The following DSG1 variants were observed in gnomAD, a reference collection of about 807,000 sequenced individuals.
The protein encoded by DSG1 is desmoglein 1.
DSG1 carries 39 observed loss-of-function variants against 97.5 expected under a neutral mutation model. The observed-to-expected ratio is 0.40, with a 90% CI of 0.31 to 0.52. The LOEUF (loss-of-function observed/expected upper bound fraction) is 0.52, where lower values mean the gene tolerates loss of function less well. Ranked by LOEUF, DSG1 falls within the 20% of genes least tolerant of loss-of-function variation. DSG1 has a pLI of 0.53. For synonymous variants in DSG1, 475 were observed against 443.4 expected (o/e 1.07, Z -0.90); for missense variants, 1,311 against 1,295.4 (o/e 1.01, Z -0.18).
intron 8 of DSG1, among the ~76,000 whole-genome samples, chr18:31,334,880 G>A (rs1233497163): frequency 4.6e-5 from 7 of 152,054 alleles, no homozygotes; most frequent in Non-Finnish European, 1.0e-4. Context: ...GCCTCCTAGG[G>A]AGCTGATAGT....
chr18:31,326,230 AT>A (rs1046864338), intron 1 of DSG1, among the ~76,000 whole-genome samples: 34 of 152,042 alleles, frequency 2.2e-4, no homozygotes, highest in Admixed American at 2.0e-3. Flanking sequence ...TACTGTTAGT[AT>A]TTTTAAATGT....
chr18:31,345,901 T>TA (rs2071829269), intron 13 of DSG1, 89 bp from the exon 14 acceptor site: 16 of 1,005,008 alleles, frequency 1.6e-5, no homozygotes, highest in Non-Finnish European at 2.4e-5. Context: ...CATACCTAAA[T>TA]GAAAAAATCA....
chr18:31,350,903 C>T (rs1217803249), intron 14 of DSG1, among the ~76,000 whole-genome samples: 1 of 150,530 alleles, frequency 6.6e-6, no homozygotes, highest in African/African-American at 2.5e-5. Flanking sequence ...ATTTTGTTGA[C>T]CCTTTCAAAA....
At chr18:31,344,115 T>C in intron 13 of DSG1, 120 bp downstream of exon 13, 3 of 743,090 alleles carry the variant, frequency 4.0e-6, no homozygotes, top group Non-Finnish European at 6.8e-6. Context: ...TCATTCTTTT[T>C]TAAATGACTA....
intron 1 of DSG1, among the ~76,000 whole-genome samples, chr18:31,321,973 G>A (rs2071656627): frequency 2.0e-5 from 3 of 152,182 alleles, no homozygotes; most frequent in South Asian, 4.1e-4. Context: ...CTTGCCCAGT[G>A]CTGGGTCATG....
intron 4 of DSG1, among the ~76,000 whole-genome samples, chr18:31,328,825 T>C (rs944138158): frequency 6.6e-6 from 1 of 152,104 alleles, no homozygotes; most frequent in African/African-American, 2.4e-5. Flanking sequence ...CAAATATACT[T>C]TACTATAAAT....
intron 3 of DSG1, 124 bp from the exon 4 acceptor site, chr18:31,328,065 C>T (rs2071697320): frequency 1.1e-6 from 1 of 922,936 alleles, no homozygotes; most frequent in Admixed American, 2.5e-5. Flanking sequence ...AAAATAATCT[C>T]CATTGACAAC....
At chr18:31,326,795 C>A (rs1169110963) in intron 2 of DSG1, 79 bp from the exon 3 acceptor site, 1 of 1,524,220 alleles carries the variant, frequency 6.6e-7, no homozygotes, top group South Asian at 1.1e-5. Flanking sequence ...GAGATTATAA[C>A]CTCTTCCAAA....
Position 31,354,923 on chromosome 18 carries a change from G to C in DSG1, c.2727G>C (p.Leu909=). The C allele has an allele frequency of 6.2e-7, 1 of 1,614,182 alleles. No individual in the cohort carries two copies. The highest frequency in any genetic ancestry group is 8.5e-7 in the Non-Finnish European group (1 of 1,180,032). Residue 909 remains leucine (L), a synonymous_variant, in exon 15 of 15, where the codon CTG becomes CTC. Transcript: ENST00000257192. ...IAPSSSLPTS[L]TIHHPRESSN... is the part of the protein sequence containing the mutation. ...CAAGCTCTAGTCTACCCACCTCTCT[G>C]ACTATCCATCATCCTAGAGAGTCTT...
At chr18:31,339,288 A>T (rs1196098096) in intron 10 of DSG1, among the ~76,000 whole-genome samples, 1 of 151,772 alleles carries the variant, frequency 6.6e-6, no homozygotes, top group Non-Finnish European at 1.5e-5. Flanking sequence ...AGTTTAAAGT[A>T]AAAAAAATGG....
At chr18:31,328,054 G>T in intron 3 of DSG1, 135 bp from the exon 4 acceptor site, 1 of 851,452 alleles carries the variant, frequency 1.2e-6, no homozygotes, top group Non-Finnish European at 1.8e-6. Context: ...TCTTATCTAG[G>T]AAAATAATCT....
intron 13 of DSG1, 87 bp from the exon 14 acceptor site, chr18:31,345,903 A>G: frequency 9.6e-7 from 1 of 1,038,202 alleles, no homozygotes; most frequent in Admixed American, 2.0e-5. Context: ...TACCTAAATG[A>G]AAAAATCACA....
chr18:31,345,754 A>T (rs958334262), intron 13 of DSG1, among the ~76,000 whole-genome samples: 1 of 152,120 alleles, frequency 6.6e-6, no homozygotes, highest in Non-Finnish European at 1.5e-5. Context: ...TGCAGCCTTC[A>T]CTTCCAGCAG....
chr18:31,329,756 G>T lies in DSG1; in HGVS notation c.373-136G>T. The T allele has an allele frequency of 9.1e-6, 10 of 1,096,262 alleles. No individual in the cohort carries two copies. In the South Asian group the frequency reaches 1.2e-4, roughly 13 times the overall value. The allele number at this position is 1,096,262 out of a possible 1,614,324, so 67.9% of individuals were successfully genotyped here. On this transcript the variant is annotated intron_variant, in intron 4 of 14. Transcript: ENST00000257192. ...CCACATTTGCTTTCCCTTAGTGACT[G>T]TAAGTAGGGCTTGTGCCTATGTTCT...
At chr18:31,343,652 A>G in intron 12 of DSG1, 69 bp downstream of exon 12, 2 of 1,604,608 alleles carry the variant, frequency 1.2e-6, no homozygotes, top group Non-Finnish European at 1.7e-6. Context: ...ATGAACCAAG[A>G]TGGCCGCCAT....
chr18:31,352,819 A>G (rs2144123254), intron 14 of DSG1, among the ~76,000 whole-genome samples: 2 of 144,552 alleles, frequency 1.4e-5, no homozygotes, highest in African/African-American at 5.5e-5. Flanking sequence ...TTTCAGCTCC[A>G]TCAGCTCCTT....
chr18:31,355,186 G>A lies in DSG1; in HGVS notation c.2990G>A (p.Ser997Asn), dbSNP rs766981248. 6.9e-6 allele frequency: 11 copies of A among 1,603,318 alleles called. No homozygotes were observed. The highest frequency in any genetic ancestry group is 5.3e-5 in the African/African-American group (4 of 74,788). ...GSGALSGAGI[S>N]GGGIGLSSLG... ...GGTGCCCTGAGTGGAGCTGGCATAA[G>A]TGGTGGTGGCATTGGCCTGAGCAGC... Residue 997 changes from serine to asparagine, a missense_variant, in exon 15 of 15, where the codon AGT (serine) becomes AAT (asparagine). Ser to Asn is a conservative substitution (Grantham distance 46, BLOSUM62 1). Transcript: ENST00000257192.
In DSG1 at chr18:31,355,359, C is replaced by A; in HGVS notation, c.*13C>A. ...ATATAGCAAGTAGTCAGGACCCCAG[C>A]TCACTTTTTCATAGTCATTGTGGTT... On this transcript the variant is annotated 3_prime_UTR_variant, in exon 15 of 15. Transcript: ENST00000257192. The A allele has an allele frequency of 6.2e-7, 1 of 1,612,748 alleles. No individual in the cohort carries two copies. The highest frequency in any genetic ancestry group is 8.5e-7 in the Non-Finnish European group (1 of 1,179,008).
intron 14 of DSG1, among the ~76,000 whole-genome samples, chr18:31,351,513 C>T: frequency 6.6e-6 from 1 of 151,276 alleles, no homozygotes; most frequent in Middle Eastern, 3.2e-3. Flanking sequence ...AGTTCAATTC[C>T]TGGGTATCCT....
Sources: gnomAD v4.1 joint callset for allele counts (sites outside exome capture counted in the v4.1 genomes callset) on GRCh38, gnomAD v4.1.1 for gene constraint, MANE v1.5 for transcripts, NCBI Gene and HGNC (gene_info 2026-07-23, HGNC 2026-07-21) for gene names.